The following RANBP2 variants were observed in gnomAD, a reference collection of about 807,000 sequenced individuals.
RANBP2 encodes the protein E3 SUMO-protein ligase RanBP2.
Under a neutral mutation model 303.6 loss-of-function variants are expected in RANBP2, and 57 were observed. That is an observed-to-expected ratio of 0.19 (90% CI 0.15 to 0.23). RANBP2 has a LOEUF of 0.23. RANBP2 is among the 10% of genes least tolerant of loss of function. The pLI is 1.00. For missense variants in RANBP2, 3,138 were observed against 3,780.8 expected (o/e 0.83, Z 4.46); for synonymous variants, 1,167 against 1,301.5 (o/e 0.90, Z 2.23).
chr2:108,763,837 A>G lies in RANBP2; in HGVS notation c.3298A>G (p.Asn1100Asp), dbSNP rs1297602011. Reference sequence around the variant, plus strand: ...AACCATTGGGCCTCGAAATACATTCAATTTTGGAAGCAAAAATGTGTCTGG... The same window carrying G: ...AACCATTGGGCCTCGAAATACATTCGATTTTGGAAGCAAAAATGTGTCTGG... ...GQTIGPRNTFNFGSKNVSGIS... is the reference protein window; with the variant it reads ...GQTIGPRNTFDFGSKNVSGIS... The change falls in exon 20 of 29, where the codon AAT (asparagine) becomes GAT (aspartate). Residue 1100 changes from asparagine (N) to aspartate (D), a missense_variant. Transcript: ENST00000283195. 1 of 1,614,000 alleles carries G rather than the reference A, an allele frequency of 6.2e-7. No homozygotes were observed.
chr2:108,885,465 A>C, the RANBP2 span: 2 of 152,242 alleles, frequency 1.3e-5, no homozygotes, highest in Non-Finnish European at 2.9e-5. Flanking sequence ...TATACAATAA[A>C]ATTGAAAAGT....
chr2:109,370,215 G>C, the RANBP2 span, among the ~76,000 whole-genome samples: 1 of 146,390 alleles, frequency 6.8e-6, no homozygotes, highest in African/African-American at 2.7e-5. Flanking sequence ...CTCTGTCTCT[G>C]TCTCTGTCTC....
At chr2:109,242,688 A>G in the RANBP2 span, among the ~76,000 whole-genome samples, 35 of 152,324 alleles carry the variant, frequency 2.3e-4, no homozygotes, top group African/African-American at 8.4e-4. Flanking sequence ...CCAGACAGTC[A>G]GGACACATTT....
At chr2:108,929,935 G>T in the RANBP2 span, among the ~76,000 whole-genome samples, 1 of 152,188 alleles carries the variant, frequency 6.6e-6, no homozygotes, top group Non-Finnish European at 1.5e-5. Flanking sequence ...ATGCTTAGCT[G>T]GTGAGTGCCA....
chr2:109,237,044 C>T, the RANBP2 span, among the ~76,000 whole-genome samples: 1 of 152,136 alleles, frequency 6.6e-6, no homozygotes, highest in Non-Finnish European at 1.5e-5. Context: ...CAAATGAAAG[C>T]AGTGACATCA....
At chr2:109,615,869 C>A in the RANBP2 span, 1 of 1,613,894 alleles carries the variant, frequency 6.2e-7, no homozygotes. Flanking sequence ...GGCGCAAAGC[C>A]TCGGGCAGCT....
At chr2:109,184,271 C>T in the RANBP2 span, among the ~76,000 whole-genome samples, 1 of 152,198 alleles carries the variant, frequency 6.6e-6, no homozygotes, top group Non-Finnish European at 1.5e-5. Flanking sequence ...AAGCAGTGTT[C>T]AACTCTGTTC....
At chr2:108,877,604 T>G in the RANBP2 span, among the ~76,000 whole-genome samples, 1 of 144,988 alleles carries the variant, frequency 6.9e-6, no homozygotes. Flanking sequence ...TATATAGAGA[T>G]AGTACTCATG....
At chr2:109,384,813 G>A in the RANBP2 span, among the ~76,000 whole-genome samples, 4 of 152,170 alleles carry the variant, frequency 2.6e-5, no homozygotes, top group Non-Finnish European at 5.9e-5. Context: ...TGGGGATGTG[G>A]GCAGAAGGCC....
At chr2:108,891,412 CTG>C in the RANBP2 span, among the ~76,000 whole-genome samples, 1 of 152,188 alleles carries the variant, frequency 6.6e-6, no homozygotes, top group Non-Finnish European at 1.5e-5. Flanking sequence ...AATGTAGTCT[CTG>C]TATGATTTTT....
At chr2:108,818,565 T>C in the RANBP2 span, among the ~76,000 whole-genome samples, 1 of 152,146 alleles carries the variant, frequency 6.6e-6, no homozygotes, top group Non-Finnish European at 1.5e-5. Context: ...CTTTTAAATA[T>C]AATAATAGAA....
chr2:109,326,635 T>C, the RANBP2 span, among the ~76,000 whole-genome samples: 1 of 152,372 alleles, frequency 6.6e-6, no homozygotes, highest in East Asian at 1.9e-4. Flanking sequence ...GGACCATTTG[T>C]GTTCATAGCC....
chr2:109,326,910 G>A, the RANBP2 span, among the ~76,000 whole-genome samples: 4 of 152,218 alleles, frequency 2.6e-5, no homozygotes, highest in South Asian at 2.1e-4. Context: ...ACCTGAGCAC[G>A]CTGGCTCTAC....
At chr2:109,249,124 C>A in the RANBP2 span, among the ~76,000 whole-genome samples, 1 of 152,180 alleles carries the variant, frequency 6.6e-6, no homozygotes, top group Non-Finnish European at 1.5e-5. Context: ...CAAGCAATTT[C>A]CCTGTCTTGG....
chr2:109,489,394 G>C, the RANBP2 span, among the ~76,000 whole-genome samples: 1 of 152,250 alleles, frequency 6.6e-6, no homozygotes, highest in African/African-American at 2.4e-5. Context: ...GCTGGGGCCG[G>C]AGCAGTTGTG....
chr2:108,927,161 G>A, the RANBP2 span, among the ~76,000 whole-genome samples: 1 of 152,178 alleles, frequency 6.6e-6, no homozygotes, highest in Non-Finnish European at 1.5e-5. Flanking sequence ...GGAGCAGTGC[G>A]AAGGCACTCT....
At chr2:108,813,268 A>G in the RANBP2 span, among the ~76,000 whole-genome samples, 2 of 150,596 alleles carry the variant, frequency 1.3e-5, no homozygotes, top group African/African-American at 2.4e-5. Context: ...AAAAAAAAAA[A>G]AAAAGAAAAT....
the RANBP2 span, among the ~76,000 whole-genome samples, chr2:109,126,500 A>G: frequency 3.9e-4 from 60 of 152,224 alleles, no homozygotes; most frequent in African/African-American, 1.4e-3. Flanking sequence ...TCCTGTGGCC[A>G]AGGCACACGG....
chr2:108,728,381 C>T (rs1694899763), intron 1 of RANBP2, among the ~76,000 whole-genome samples: 1 of 152,124 alleles, frequency 6.6e-6, no homozygotes, highest in Non-Finnish European at 1.5e-5. Flanking sequence ...GCAGTGTCAA[C>T]CTCCTGGGCT....
Sources: gnomAD v4.1 joint callset for allele counts (sites outside exome capture counted in the v4.1 genomes callset) on GRCh38, gnomAD v4.1.1 for gene constraint, MANE v1.5 for transcripts, NCBI Gene and HGNC (gene_info 2026-07-23, HGNC 2026-07-21) for gene names.